TNNI3K: variants seen among roughly 807,000 people sequenced by gnomAD.
TNNI3K encodes serine/threonine-protein kinase TNNI3K.
In TNNI3K, 140 loss-of-function variants were observed where a neutral mutation model predicts 114.5. That is an observed-to-expected ratio of 1.22 (90% CI 1.07 to 1.41). The LOEUF is 1.41. Among genes scored for constraint, TNNI3K ranks in the 40% most tolerant of loss-of-function variants. TNNI3K has a pLI of 0.00. For synonymous variants in TNNI3K, 347 were observed against 347.5 expected (o/e 1.00, Z 0.02); for missense variants, 1,125 against 1,007.6 (o/e 1.12, Z -1.58).
At chr1:74,246,641 T>C (rs1040658295) in intron 2 of TNNI3K, among the ~76,000 whole-genome samples, 1 of 152,102 alleles carries the variant, frequency 6.6e-6, no homozygotes, top group African/African-American at 2.4e-5. Context: ...TAAGAAAAAC[T>C]ATGTAACCAG....
At chr1:74,455,256 CT>C (rs1667182854) in intron 20 of TNNI3K, among the ~76,000 whole-genome samples, 1 of 152,090 alleles carries the variant, frequency 6.6e-6, no homozygotes, top group Non-Finnish European at 1.5e-5. Context: ...CCTGAATGCA[CT>C]TTTAAAAGAT....
chr1:74,507,908 G>T (rs974968553), intron 23 of TNNI3K, among the ~76,000 whole-genome samples: 1 of 152,160 alleles, frequency 6.6e-6, no homozygotes, highest in Non-Finnish European at 1.5e-5. Context: ...ACAAACATTT[G>T]CAGAGTCCCT....
In TNNI3K at chr1:74,369,205, A is replaced by G; in HGVS notation, c.1415-2A>G. The G allele has an allele frequency of 6.2e-7, 1 of 1,609,784 alleles. No individual in the cohort carries two copies. The highest frequency in any genetic ancestry group is 1.7e-4 in the Middle Eastern group (1 of 6,030). The stretch of plus-strand genomic sequence containing the variant: ...TTATTTATTTATTTTAAACAATTGT[A>G]GGTTCTTTTGGGAAAGTATATAAAG... On this transcript the variant is annotated splice_acceptor_variant, in intron 14 of 24. Transcript: ENST00000326637. LOFTEE classifies it high-confidence loss of function.
At chr1:74,518,342 C>T (rs1005972583) in intron 23 of TNNI3K, among the ~76,000 whole-genome samples, 2 of 152,164 alleles carry the variant, frequency 1.3e-5, no homozygotes, top group Non-Finnish European at 2.9e-5. Flanking sequence ...CACATAGCCT[C>T]TTACTGTTCA....
intron 23 of TNNI3K, among the ~76,000 whole-genome samples, chr1:74,534,252 C>T (rs1287085456): frequency 2.6e-5 from 4 of 152,118 alleles, no homozygotes; most frequent in East Asian, 1.9e-4. Flanking sequence ...AAATAGTATA[C>T]GTCTGTTATA....
chr1:74,448,260 T>TAAAAAAAAA (rs71588834), intron 20 of TNNI3K, among the ~76,000 whole-genome samples: 28 of 89,086 alleles, frequency 3.1e-4, no homozygotes, highest in African/African-American at 4.5e-4. Flanking sequence ...TAGAGTATAA[T>TAAAAAAAAA]AAAAAAAAAA....
At chr1:74,386,441 T>G (rs1175079905) in intron 17 of TNNI3K, among the ~76,000 whole-genome samples, 1 of 152,140 alleles carries the variant, frequency 6.6e-6, no homozygotes, top group Non-Finnish European at 1.5e-5. Context: ...AGTTTTTCCT[T>G]TTATAAAATA....
chr1:74,287,672 G>A (rs984844526), intron 5 of TNNI3K, among the ~76,000 whole-genome samples: 4 of 152,044 alleles, frequency 2.6e-5, no homozygotes, highest in African/African-American at 7.2e-5. Flanking sequence ...ATTGGTTTGG[G>A]CAATGATTTC....
chr1:74,327,980 T>G (rs548735700), intron 5 of TNNI3K, among the ~76,000 whole-genome samples: 2 of 151,980 alleles, frequency 1.3e-5, no homozygotes, highest in Non-Finnish European at 2.9e-5. Flanking sequence ...ATAATATATT[T>G]AAAACTCCAA....
chr1:74,499,691 A>G (rs1310168166), intron 23 of TNNI3K, among the ~76,000 whole-genome samples: 1 of 152,116 alleles, frequency 6.6e-6, no homozygotes, highest in African/African-American at 2.4e-5. Context: ...CCACCAAAAA[A>G]ATGAGATTTT....
At chr1:74,410,039 G>C (rs192048039) in intron 17 of TNNI3K, among the ~76,000 whole-genome samples, 16 of 152,192 alleles carry the variant, frequency 1.1e-4, no homozygotes, top group African/African-American at 3.9e-4. Context: ...AAAACAAAAA[G>C]ATAGTTAAGC....
intron 23 of TNNI3K, among the ~76,000 whole-genome samples, chr1:74,498,906 A>C (rs2100332395): frequency 6.6e-6 from 1 of 152,330 alleles, no homozygotes; most frequent in South Asian, 2.1e-4. Flanking sequence ...TGTTCCTTCA[A>C]AGGTAGATTT....
intron 4 of TNNI3K, among the ~76,000 whole-genome samples, chr1:74,253,568 C>G (rs541090980): frequency 2.0e-5 from 3 of 152,312 alleles, no homozygotes; most frequent in Admixed American, 2.0e-4. Context: ...GAGCACCCTC[C>G]GCAGCTGCTG....
chr1:74,502,051 C>T (rs998971279), intron 23 of TNNI3K, among the ~76,000 whole-genome samples: 1 of 152,108 alleles, frequency 6.6e-6, no homozygotes, highest in South Asian at 2.1e-4. Flanking sequence ...ATCTGACCCT[C>T]CACCTTGCTT....
intron 11 of TNNI3K, 30 bp from the exon 12 acceptor site, chr1:74,367,226 A>C (rs1662320562): frequency 1.2e-6 from 2 of 1,602,980 alleles, no homozygotes; most frequent in South Asian, 2.2e-5. Context: ...AAAATTTAGG[A>C]CTCTTTGTTC....
At chr1:74,385,006 C>G (rs186868846) in intron 17 of TNNI3K, among the ~76,000 whole-genome samples, 1 of 152,072 alleles carries the variant, frequency 6.6e-6, no homozygotes, top group Non-Finnish European at 1.5e-5. Context: ...ATTTATCTAA[C>G]CCATCCTTTT....
Position 74,250,723 on chromosome 1 carries a change from G to T in TNNI3K, c.287G>T (p.Arg96Leu). 4 of 1,613,012 alleles carry T rather than the reference G, an allele frequency of 2.5e-6. No individual in the cohort carries two copies. Among genetic ancestry groups the T allele is most frequent in the South Asian group, 1.1e-5 (1 of 90,858 alleles). Residue 96 changes from arginine (R) to leucine (L), a missense_variant, in exon 4 of 25, where the codon CGA becomes CTA. Coordinates refer to ENST00000326637, the MANE Select transcript of TNNI3K (RefSeq NM_015978.3). ...TLMLKGLRPS[R>L]LTRNGFTALH... ...ATGTTGAAAGGGCTCCGCCCATCTC[G>T]ACTGACAAGAAATGGATTTACAGCC...
intron 20 of TNNI3K, among the ~76,000 whole-genome samples, chr1:74,444,794 A>G (rs947475592): frequency 1.3e-5 from 2 of 151,938 alleles, no homozygotes; most frequent in Non-Finnish European, 2.9e-5. Context: ...ACAAGACTAC[A>G]TAACCAAAAC....
At chr1:74,247,202 G>A (rs1166841322) in intron 2 of TNNI3K, among the ~76,000 whole-genome samples, 1 of 152,066 alleles carries the variant, frequency 6.6e-6, no homozygotes, top group Non-Finnish European at 1.5e-5. Flanking sequence ...CTTCTGGTGG[G>A]TTTGTGGTCT....
Sources: allele counts gnomAD v4.1 joint callset (sites outside exome capture counted in the v4.1 genomes callset), GRCh38; gene constraint gnomAD v4.1.1; transcripts MANE v1.5; gene names NCBI Gene and HGNC (gene_info 2026-07-23, HGNC 2026-07-21).